TESK2: variants seen among roughly 807,000 people sequenced by gnomAD.
TESK2 encodes testis associated actin remodelling kinase 2, also known as dual specificity testis-specific protein kinase 2.
TESK2 carries 39 observed loss-of-function variants against 57.1 expected under a neutral mutation model. The observed-to-expected ratio is 0.68, with a 90% CI of 0.53 to 0.89. The LOEUF is 0.89. Among genes scored for constraint, TESK2 ranks in the 40% least tolerant of loss-of-function variants. The pLI, the probability that TESK2 is intolerant of heterozygous loss-of-function variation, is 0.00. For synonymous variants in TESK2, 249 were observed against 267.9 expected (o/e 0.93, Z 0.69); for missense variants, 646 against 732.1 (o/e 0.88, Z 1.36).
chr1:45,422,940 T>C (rs530350473), intron 2 of TESK2, among the ~76,000 whole-genome samples: 12 of 151,836 alleles, frequency 7.9e-5, no homozygotes, highest in Admixed American at 6.6e-4. Flanking sequence ...CAGCTAATTT[T>C]TGTATTTTTA....
At chr1:45,437,579 T>G (rs1422720445) in intron 2 of TESK2, among the ~76,000 whole-genome samples, 1 of 152,222 alleles carries the variant, frequency 6.6e-6, no homozygotes, top group Non-Finnish European at 1.5e-5. Context: ...GGACTTCCAG[T>G]ACTATGCTGA....
intron 3 of TESK2, among the ~76,000 whole-genome samples, chr1:45,399,295 C>T (rs1483515747): frequency 7.3e-5 from 11 of 151,572 alleles, no homozygotes; most frequent in East Asian, 5.8e-4. Context: ...ACTACAGGTA[C>T]GCACCACCAC....
intron 3 of TESK2, among the ~76,000 whole-genome samples, chr1:45,398,267 G>A (rs1438739729): frequency 6.6e-6 from 1 of 151,504 alleles, no homozygotes; most frequent in Non-Finnish European, 1.5e-5. Context: ...CTAGCTCAGA[G>A]ATGTAATTTC....
At chr1:45,373,662 C>T (rs1648293080) in intron 4 of TESK2, among the ~76,000 whole-genome samples, 1 of 152,198 alleles carries the variant, frequency 6.6e-6, no homozygotes, top group Non-Finnish European at 1.5e-5. Flanking sequence ...ATGCCTATGA[C>T]TGACTCTGGA....
At chr1:45,397,045 C>G (rs927048529) in intron 3 of TESK2, among the ~76,000 whole-genome samples, 2 of 151,930 alleles carry the variant, frequency 1.3e-5, no homozygotes, top group African/African-American at 4.8e-5. Flanking sequence ...TCTCAAACTC[C>G]TGACCTCAAG....
intron 1 of TESK2, among the ~76,000 whole-genome samples, chr1:45,485,566 T>G (rs1471411006): frequency 6.7e-6 from 1 of 149,788 alleles, no homozygotes; most frequent in African/African-American, 2.4e-5. Flanking sequence ...TCGCCTAAAC[T>G]GCAGTACAGT....
At chr1:45,464,648 A>C (rs975652826) in intron 1 of TESK2, among the ~76,000 whole-genome samples, 8 of 152,186 alleles carry the variant, frequency 5.3e-5, no homozygotes, top group South Asian at 2.1e-4. Context: ...GATATGTTTC[A>C]TTCGTAACAA....
intron 5 of TESK2, among the ~76,000 whole-genome samples, chr1:45,351,841 A>G (rs1248198800): frequency 1.4e-5 from 2 of 145,366 alleles, no homozygotes; most frequent in Admixed American, 7.0e-5. Flanking sequence ...AAGACTTTAT[A>G]CTCTCATAGG....
At chr1:45,489,384 C>T (rs4660862) in intron 1 of TESK2, among the ~76,000 whole-genome samples, 112,105 of 152,100 alleles carry the variant, frequency 0.74, 41,737 homozygotes, top group East Asian at 0.93. Flanking sequence ...TACTAAGGCA[C>T]ACAAATATCC....
At chr1:45,430,038 A>G (rs1306390511) in intron 2 of TESK2, among the ~76,000 whole-genome samples, 1 of 152,128 alleles carries the variant, frequency 6.6e-6, no homozygotes, top group Non-Finnish European at 1.5e-5. Context: ...TAGAATAGCA[A>G]TAAAGACTAT....
At position 45,475,209 on chromosome 1, in the gene TESK2, C is replaced by CTT. The variant is rs375872140; in HGVS notation, c.-87+15641_-87+15642dup. ...GTTAGGTTCCTTGTGTTAGCCTGGC[C>CTT]TTTTTTTTTTTTTTTTTTTTTGAGT... On this transcript the variant is annotated intron_variant, in intron 1 of 10. Transcript: ENST00000372086. Among the ~76,000 whole-genome samples the CTT allele has an allele frequency of 9.0e-4, 102 of 113,146 alleles. 2 individuals are homozygous for CTT. The highest frequency in any genetic ancestry group is 2.2e-3 in the African/African-American group (62 of 27,896). 74.2% of individuals were successfully genotyped at this position (113,146 alleles called of 152,430 possible). A position where few individuals can be genotyped will look rare whatever the true frequency, so the allele number is the denominator to read the frequency against.
intron 3 of TESK2, among the ~76,000 whole-genome samples, chr1:45,391,216 C>CT (rs1191605172): frequency 0.27 from 31,695 of 118,730 alleles, 5,137 homozygotes; most frequent in African/African-American, 0.39. Context: ...GCGCCCAGCC[C>CT]TTTTTTTTTT....
intron 1 of TESK2, among the ~76,000 whole-genome samples, chr1:45,488,975 CA>C (rs1653600713): frequency 6.6e-6 from 1 of 151,964 alleles, no homozygotes; most frequent in South Asian, 2.1e-4. Context: ...CCAGCCTGGG[CA>C]ACGCAGAGAA....
At chr1:45,427,543 T>A (rs946674728) in intron 2 of TESK2, among the ~76,000 whole-genome samples, 1 of 152,122 alleles carries the variant, frequency 6.6e-6, no homozygotes, top group Admixed American at 6.6e-5. Context: ...ATAAAGAAAA[T>A]GTGGTACATA....
At chr1:45,397,391 T>C (rs2149278876) in intron 3 of TESK2, among the ~76,000 whole-genome samples, 1 of 152,308 alleles carries the variant, frequency 6.6e-6, no homozygotes, top group African/African-American at 2.4e-5. Context: ...TGTATAGTTA[T>C]ACAAAGTATA....
chr1:45,347,399 C>T (rs1462903164), intron 7 of TESK2, among the ~76,000 whole-genome samples: 2 of 152,106 alleles, frequency 1.3e-5, no homozygotes, highest in African/African-American at 4.8e-5. Context: ...AACCCTGTCT[C>T]TACTAAAAAT....
chr1:45,409,662 T>C (rs1162359439), intron 3 of TESK2, among the ~76,000 whole-genome samples: 1 of 152,068 alleles, frequency 6.6e-6, no homozygotes, highest in African/African-American at 2.4e-5. Context: ...AGTGTAGAGG[T>C]AAAAAGACTC....
chr1:45,410,659 C>T (rs1197402486), intron 3 of TESK2, among the ~76,000 whole-genome samples: 2 of 152,012 alleles, frequency 1.3e-5, no homozygotes, highest in Non-Finnish European at 2.9e-5. Flanking sequence ...GAACACACTC[C>T]ACATCCACAT....
intron 4 of TESK2, among the ~76,000 whole-genome samples, chr1:45,384,359 G>C (rs75883462): frequency 1.7e-3 from 253 of 145,602 alleles, no homozygotes; most frequent in South Asian, 2.7e-3. Context: ...ATGTATGTAC[G>C]TACGTATCTA....
Sources: allele counts gnomAD v4.1 joint callset (sites outside exome capture counted in the v4.1 genomes callset), GRCh38; gene constraint gnomAD v4.1.1; transcripts MANE v1.5; gene names NCBI Gene and HGNC (gene_info 2026-07-23, HGNC 2026-07-21).